Variants in SLC41A1 observed in about 807,000 individuals in gnomAD.
The protein encoded by SLC41A1 is solute carrier family 41 member 1, also known as solute carrier family 41 (magnesium transporter), member 1.
A neutral mutation model predicts 47.3 loss-of-function variants in SLC41A1; 20 were observed. The observed-to-expected ratio is 0.42, with a 90% confidence interval of 0.30 to 0.61. The LOEUF is 0.61. Among genes scored for constraint, SLC41A1 ranks in the 20% least tolerant of loss-of-function variants. The probability of loss-of-function intolerance (pLI) is 0.17; values close to 1 mark genes in which losing one functional copy is unlikely to be tolerated. For synonymous variants in SLC41A1, 282 were observed against 272.7 expected (o/e 1.03, Z -0.34); for missense variants, 504 against 674.1 (o/e 0.75, Z 2.79).
chr1:205,801,939 G>A (rs183027648), intron 2 of SLC41A1, among the ~76,000 whole-genome samples: 40 of 152,302 alleles, frequency 2.6e-4, no homozygotes, highest in Non-Finnish European at 8.8e-5. Context: ...TGAGTAAACT[G>A]GGGTTCAGAC....
rs916149854 is a variant in SLC41A1 at position 205,790,105 on chromosome 1, G to C, written c.*1428C>G. ...GTTTAGGGAAATAAATACTGGTTGA[G>C]CAATGGGGCGGTGGCTCTAGCTGTG... is the stretch of plus-strand genomic sequence containing the variant. On this transcript the variant is annotated 3_prime_UTR_variant, in exon 11 of 11. Coordinates refer to ENST00000367137, the MANE Select transcript of SLC41A1 (RefSeq NM_173854.6). 3 of 152,318 alleles carry C rather than the reference G, an allele frequency of 2.0e-5. No homozygotes were observed. The highest frequency in any genetic ancestry group is 7.2e-5 in the African/African-American group (3 of 41,452). The allele number at this position is 152,318 out of a possible 1,614,324, so 9.4% of individuals were successfully genotyped here.
intron 10 of SLC41A1, among the ~76,000 whole-genome samples, chr1:205,794,375 C>T (rs749872680): frequency 3.9e-5 from 6 of 151,988 alleles, no homozygotes; most frequent in Non-Finnish European, 5.9e-5. Context: ...TGTAATAATA[C>T]AAGAAGGGAG....
chr1:205,798,838 G>C (rs768934081), intron 5 of SLC41A1, 23 bp from the exon 6 acceptor site: 4 of 1,614,152 alleles, frequency 2.5e-6, no homozygotes, highest in Non-Finnish European at 1.7e-6. Context: ...TGGGAGGAGG[G>C]GCAGGCAGGG....
intron 7 of SLC41A1, among the ~76,000 whole-genome samples, chr1:205,797,544 C>T (rs1655777467): frequency 6.6e-6 from 1 of 152,210 alleles, no homozygotes; most frequent in Admixed American, 6.5e-5. Flanking sequence ...CTTTGTGGAA[C>T]TGTTGGGGGA....
chr1:205,806,822 G>A (rs1481686142), intron 2 of SLC41A1, among the ~76,000 whole-genome samples: 8 of 152,220 alleles, frequency 5.3e-5, no homozygotes, highest in African/African-American at 1.9e-4. Context: ...ACCCTTCTAG[G>A]AAGAGAGTGG....
intron 8 of SLC41A1, chr1:205,796,017 G>T: frequency 4.8e-6 from 1 of 209,470 alleles, no homozygotes; most frequent in South Asian, 8.6e-5. Flanking sequence ...TGATTTCTCT[G>T]TTGCCCTCAC....
intron 2 of SLC41A1, among the ~76,000 whole-genome samples, chr1:205,803,632 C>CT (rs140199204): frequency 1.2e-4 from 15 of 121,050 alleles, no homozygotes; most frequent in Admixed American, 3.3e-4. Flanking sequence ...TAGTCAAATT[C>CT]TTTTTTTTTT....
intron 10 of SLC41A1, among the ~76,000 whole-genome samples, chr1:205,792,735 T>C (rs1026984375): frequency 6.6e-6 from 1 of 152,182 alleles, no homozygotes; most frequent in Non-Finnish European, 1.5e-5. Flanking sequence ...TGCATCTGCG[T>C]GAGAATGAAA....
At chr1:205,795,236 C>T in intron 9 of SLC41A1, 108 bp downstream of exon 9, 1 of 1,559,328 alleles carries the variant, frequency 6.4e-7, no homozygotes, top group Non-Finnish European at 8.8e-7. Flanking sequence ...CACAGCCCAG[C>T]AGAGAAGGAG....
intron 7 of SLC41A1, among the ~76,000 whole-genome samples, 186 bp downstream of exon 7, chr1:205,797,718 C>T (rs1335280830): frequency 6.6e-6 from 1 of 152,248 alleles, no homozygotes; most frequent in Non-Finnish European, 1.5e-5. Context: ...CAGGCCAATA[C>T]ATTCTGCCTT....
chr1:205,797,803 T>A, intron 7 of SLC41A1, 101 bp downstream of exon 7: 1 of 1,445,668 alleles, frequency 6.9e-7, no homozygotes, highest in Non-Finnish European at 9.7e-7. Context: ...AATGAACACA[T>A]TTCTAGGGTC....
chr1:205,802,892 G>A (rs1315695243), intron 2 of SLC41A1, among the ~76,000 whole-genome samples: 1 of 151,466 alleles, frequency 6.6e-6, no homozygotes, highest in Non-Finnish European at 1.5e-5. Flanking sequence ...GTTTGGGCTG[G>A]GCATAGTGGC....
At position 205,810,658 on chromosome 1, in the gene SLC41A1, A is replaced by G; in HGVS notation, c.-217T>C. 1 of 657,932 alleles carries G rather than the reference A, an allele frequency of 1.5e-6. No homozygotes were observed. The highest frequency in any genetic ancestry group is 2.6e-6 in the Non-Finnish European group (1 of 390,798). The allele number at this position is 657,932 out of a possible 1,614,324, so 40.8% of individuals were successfully genotyped here. A position where few individuals can be genotyped will look rare whatever the true frequency, so the allele number is the denominator to read the frequency against. On this transcript the variant is annotated 5_prime_UTR_variant, in exon 2 of 11. Transcript: ENST00000367137. This position sits in a 1 kb window ranked among gnomAD's most constrained non-coding sequence, Gnocchi z 5.5. The stretch of plus-strand genomic sequence containing the variant: ...CTGAAGCCGCAAGCTGGGAAGAAAC[A>G]AGAAATTCCTCACCAGACAGCCACT...
chr1:205,797,862 G>C, intron 7 of SLC41A1, 42 bp downstream of exon 7: 1 of 1,613,392 alleles, frequency 6.2e-7, no homozygotes, highest in South Asian at 1.1e-5. Flanking sequence ...CTGTGGAAGG[G>C]TTGGAGTGGG....
chr1:205,812,315 A>C (rs1345600298), intron 1 of SLC41A1, among the ~76,000 whole-genome samples: 1 of 152,240 alleles, frequency 6.6e-6, no homozygotes, highest in Admixed American at 6.5e-5. Flanking sequence ...TGTTTCCTCT[A>C]TCAATTCAGT....
intron 7 of SLC41A1, among the ~76,000 whole-genome samples, chr1:205,797,540 G>T (rs1655777256): frequency 6.6e-6 from 1 of 152,216 alleles, no homozygotes; most frequent in African/African-American, 2.4e-5. Context: ...GGGACTTTGT[G>T]GAACTGTTGG....
chr1:205,791,272 G>A lies in SLC41A1; in HGVS notation c.*261C>T, dbSNP rs1655620664. On this transcript the variant is annotated 3_prime_UTR_variant, in exon 11 of 11. Coordinates refer to ENST00000367137, the MANE Select transcript of SLC41A1 (RefSeq NM_173854.6). This position sits in a 1 kb window ranked among gnomAD's most constrained non-coding sequence, Gnocchi z 4.0. ...CTGCTCCAGTCCACATCACCTGGAG[G>A]CACCCACCATGAAACTGCACTTGGT... 17 of 481,986 alleles carry A rather than the reference G, an allele frequency of 3.5e-5. No individual in the cohort carries two copies. Among genetic ancestry groups the A allele is most frequent in the South Asian group, 3.3e-4 (16 of 48,460 alleles). The allele number at this position is 481,986 out of a possible 1,614,324, so 29.9% of individuals were successfully genotyped here.
intron 2 of SLC41A1, among the ~76,000 whole-genome samples, chr1:205,803,644 T>C (rs1655941939): frequency 6.6e-6 from 1 of 150,966 alleles, no homozygotes; most frequent in African/African-American, 2.4e-5. Flanking sequence ...TTTTTTTTTT[T>C]TTTTTTTTCT....
In SLC41A1 at chr1:205,799,105, G is replaced by A; in HGVS notation, c.553-4C>T. On this transcript the variant is annotated splice_region_variant and splice_polypyrimidine_tract_variant and intron_variant, in intron 4 of 10. Coordinates refer to ENST00000367137, the MANE Select transcript of SLC41A1 (RefSeq NM_173854.6). The stretch of plus-strand genomic sequence containing the variant: ...AGCCCACCACCGTGGCCTGCACCTG[G>A]GGACAGGAGTGGTAACTCAGAAAGC... 2 of 1,611,708 alleles carry A rather than the reference G, an allele frequency of 1.2e-6. No homozygotes were observed. Among genetic ancestry groups the A allele is most frequent in the Non-Finnish European group, 1.7e-6 (2 of 1,179,874 alleles).
Sources: allele counts gnomAD v4.1 joint callset (sites outside exome capture counted in the v4.1 genomes callset), GRCh38; gene constraint gnomAD v4.1.1; non-coding constraint Gnocchi (gnomAD v3.1); transcripts MANE v1.5; gene names NCBI Gene and HGNC (gene_info 2026-07-23, HGNC 2026-07-21).